Variants in COLEC12 observed in about 807,000 individuals in gnomAD.
COLEC12 encodes the protein collectin-12.
Under a neutral mutation model 71.1 loss-of-function variants are expected in COLEC12, and 33 were observed. That is an observed-to-expected ratio of 0.46 (90% CI 0.35 to 0.62). The LOEUF (loss-of-function observed/expected upper bound fraction) is 0.62, where lower values mean the gene tolerates loss of function less well. COLEC12 is among the 20% of genes least tolerant of loss of function. COLEC12 has a pLI of 0.00. For synonymous variants in COLEC12, 350 were observed against 353.0 expected, an observed-to-expected ratio of 0.99 and a Z score of 0.10; for missense variants, 765 against 916.1, an observed-to-expected ratio of 0.84 and a Z score of 2.13.
intron 2 of COLEC12, among the ~76,000 whole-genome samples, chr18:406,325 A>C (rs998503628): frequency 4.0e-5 from 6 of 151,810 alleles, no homozygotes; most frequent in Admixed American, 1.3e-4. Context: ...CTGGCTAACA[A>C]GGTGAAACCC....
chr18:354,264 C>T (rs13381833), intron 3 of COLEC12, among the ~76,000 whole-genome samples: 42,892 of 152,088 alleles, frequency 0.28, 6,330 homozygotes, highest in Middle Eastern at 0.43. Flanking sequence ...GTGGCTGATA[C>T]GCCTCACAGT....
chr18:347,081 G>C lies in COLEC12; in HGVS notation c.541C>G (p.Leu181Val), dbSNP rs1914397239. The C allele has an allele frequency of 2.5e-6, 4 of 1,614,192 alleles. No individual in the cohort carries two copies. In the Admixed American group the frequency reaches 5.0e-5, roughly 20 times the overall value. ...TGGAGCACGCTGGTATCTTGCTGCA[G>C]ATTCGTGACATAGCCATTATACGCC... ...LQAYNGYVTN[L>V]QQDTSVLQGN... is the part of the protein sequence containing the mutation. Residue 181 changes from leucine to valine, a missense_variant, in exon 5 of 10, where the codon CTG becomes GTG. Transcript: ENST00000400256.
At chr18:400,870 T>TTGTGTGTG (rs112091244) in intron 2 of COLEC12, among the ~76,000 whole-genome samples, 8 of 151,294 alleles carry the variant, frequency 5.3e-5, no homozygotes, top group Non-Finnish European at 1.0e-4. Flanking sequence ...AAATAACAAT[T>TTGTGTGTG]TGTGTGTGTG....
At chr18:361,350 G>A (rs1914739354) in intron 2 of COLEC12, among the ~76,000 whole-genome samples, 1 of 152,018 alleles carries the variant, frequency 6.6e-6, no homozygotes, top group African/African-American at 2.4e-5. Context: ...TCTAGTCATC[G>A]TTTCCTCTCC....
At chr18:479,276 C>G (rs182179400) in intron 2 of COLEC12, among the ~76,000 whole-genome samples, 12 of 151,804 alleles carry the variant, frequency 7.9e-5, no homozygotes, top group Non-Finnish European at 1.5e-4. Flanking sequence ...AACAGGAGCA[C>G]GGAGGAGGGG....
chr18:346,545 C>T lies in COLEC12; in HGVS notation c.1077G>A (p.Thr359=), dbSNP rs147354214. ...TGACTTCATTTAGATTGCTGGTCAG[C>T]GTCCGCAGGTGGTGGGCTGTGTAAC... ...NISYTAHHLR[T]LTSNLNEVRT... Residue 359 remains threonine, a synonymous_variant, in exon 5 of 10, where the codon ACG becomes ACA. Transcript: ENST00000400256. This position sits in a 1 kb window ranked among gnomAD's most constrained non-coding sequence, Gnocchi z 4.0. The T allele has an allele frequency of 9.4e-3, 15,179 of 1,614,152 alleles. 79 individuals are homozygous for T. The highest frequency in any genetic ancestry group is 0.012 in the Non-Finnish European group (13,593 of 1,179,988).
In COLEC12 at chr18:317,753, A is replaced by C. The variant is rs1913578976; in HGVS notation, c.*2292T>G. 6.6e-6 allele frequency: 1 copy of C among 152,240 alleles called. No homozygotes were observed. 9.4% of individuals were successfully genotyped at this position (152,240 alleles called of 1,614,324 possible). A position where few individuals can be genotyped will look rare whatever the true frequency, so the allele number is the denominator to read the frequency against. ...TCAGTGTAGCCTCTAAAGGCTGTTG[A>C]GCCTGAAGAGGTGTTGGAATGCCGT... On this transcript the variant is annotated 3_prime_UTR_variant, in exon 10 of 10. Coordinates refer to ENST00000400256, the MANE Select transcript of COLEC12 (RefSeq NM_130386.3).
chr18:358,126 G>A, intron 2 of COLEC12, among the ~76,000 whole-genome samples: 1 of 148,650 alleles, frequency 6.7e-6, no homozygotes, highest in African/African-American at 2.6e-5. Context: ...CCCGCCCCCT[G>A]TCCATCCATG....
At chr18:331,480 T>G (rs954586067) in intron 8 of COLEC12, among the ~76,000 whole-genome samples, 188 bp downstream of exon 8, 2 of 152,252 alleles carry the variant, frequency 1.3e-5, no homozygotes, top group Non-Finnish European at 2.9e-5. Context: ...AAAGCCTTAT[T>G]TGACAGCGTA....
intron 1 of COLEC12, among the ~76,000 whole-genome samples, chr18:487,863 C>A (rs1917548907): frequency 1.3e-5 from 2 of 152,120 alleles, no homozygotes; most frequent in Non-Finnish European, 2.9e-5. Flanking sequence ...AATCCACCAG[C>A]ACAAAAGTTT....
At chr18:366,626 C>T (rs1034829596) in intron 2 of COLEC12, among the ~76,000 whole-genome samples, 4 of 152,156 alleles carry the variant, frequency 2.6e-5, no homozygotes, top group Non-Finnish European at 5.9e-5. Flanking sequence ...AAGGAGCACC[C>T]GCTAGTACTC....
intron 2 of COLEC12, among the ~76,000 whole-genome samples, chr18:459,076 C>T (rs1221286190): frequency 1.3e-5 from 2 of 152,188 alleles, no homozygotes; most frequent in Non-Finnish European, 2.9e-5. Flanking sequence ...TGGTCTCGAA[C>T]TCCTGGACTC....
intron 2 of COLEC12, among the ~76,000 whole-genome samples, chr18:405,928 C>T (rs566277297): frequency 2.8e-4 from 43 of 152,114 alleles, no homozygotes; most frequent in Admixed American, 7.9e-4. Flanking sequence ...GCATTCCTGA[C>T]GGTTAAGGAC....
intron 2 of COLEC12, among the ~76,000 whole-genome samples, chr18:396,662 C>T (rs1421366886): frequency 6.6e-6 from 1 of 152,262 alleles, no homozygotes; most frequent in East Asian, 1.9e-4. Context: ...AAAAACGTGT[C>T]CCCTCCAGAT....
chr18:327,864 G>A lies in COLEC12; in HGVS notation c.2063+3804C>T, dbSNP rs934829120. On this transcript the variant is annotated intron_variant, in intron 8 of 9. Coordinates refer to ENST00000400256, the MANE Select transcript of COLEC12 (RefSeq NM_130386.3). This position sits in a 1 kb window ranked among gnomAD's most constrained non-coding sequence, Gnocchi z 4.0. Reference sequence around the variant, plus strand: ...TTTTGGAAGAGTTTAAGAAGAACTGGTGCTAACTCTTCTTTGAATGTTTGG... The same window carrying A: ...TTTTGGAAGAGTTTAAGAAGAACTGATGCTAACTCTTCTTTGAATGTTTGG... 3.9e-5 allele frequency among the ~76,000 whole-genome samples: 6 copies of A among 152,234 alleles called. No homozygotes were observed. Among genetic ancestry groups the A allele is most frequent in the African/African-American group, 1.4e-4 (6 of 41,464 alleles).
chr18:436,160 C>T (rs1278830142), intron 2 of COLEC12, among the ~76,000 whole-genome samples: 1 of 152,150 alleles, frequency 6.6e-6, no homozygotes, highest in Non-Finnish European at 1.5e-5. Flanking sequence ...TCACATAGGC[C>T]CCACTCTGCC....
chr18:332,703 C>T (rs1039021638), intron 7 of COLEC12, among the ~76,000 whole-genome samples: 1 of 152,194 alleles, frequency 6.6e-6, no homozygotes, highest in African/African-American at 2.4e-5. Context: ...TCTCTGTCCC[C>T]ACAGGTGCCT....
intron 2 of COLEC12, among the ~76,000 whole-genome samples, chr18:476,482 A>G (rs1917306908): frequency 6.6e-6 from 1 of 152,224 alleles, no homozygotes; most frequent in Non-Finnish European, 1.5e-5. Flanking sequence ...TTGCTTCTCC[A>G]TCATCCTAAC....
At chr18:371,894 C>T (rs1915007514) in intron 2 of COLEC12, among the ~76,000 whole-genome samples, 1 of 152,182 alleles carries the variant, frequency 6.6e-6, no homozygotes, top group South Asian at 2.1e-4. Context: ...ATCTGCACAG[C>T]AGTCATCGGC....
Sources: gnomAD v4.1 joint callset for allele counts (sites outside exome capture counted in the v4.1 genomes callset) on GRCh38, gnomAD v4.1.1 for gene constraint, Gnocchi (gnomAD v3.1) non-coding constraint, MANE v1.5 for transcripts, NCBI Gene and HGNC (gene_info 2026-07-23, HGNC 2026-07-21) for gene names.